PBX1: variants seen among roughly 807,000 people sequenced by gnomAD.
PBX1 encodes PBX homeobox 1.
PBX1 carries 6 observed loss-of-function variants against 53.4 expected under a neutral mutation model. The observed-to-expected ratio is 0.11, with a 90% CI of 0.06 to 0.22. The LOEUF (loss-of-function observed/expected upper bound fraction) is 0.22, where lower values mean the gene tolerates loss of function less well. PBX1 is among the 10% of genes least tolerant of loss of function. PBX1 has a pLI of 1.00. For missense variants in PBX1, 251 were observed against 551.4 expected (o/e 0.46, Z 5.46); for synonymous variants, 204 against 212.3 (o/e 0.96, Z 0.34).
In PBX1 at chr1:164,848,543, C is replaced by G; in HGVS notation, c.*1867C>G. On this transcript the variant is annotated 3_prime_UTR_variant, in exon 9 of 9. Coordinates refer to ENST00000420696, the MANE Select transcript of PBX1 (RefSeq NM_002585.4). ...TGTAACTTCTGGTTAATATCAGTACCTTGATGTCATCACCGTGATGACAAA... is the reference window on the plus strand; with the variant it reads ...TGTAACTTCTGGTTAATATCAGTACGTTGATGTCATCACCGTGATGACAAA... The G allele has an allele frequency of 9.4e-7, 1 of 1,059,834 alleles. No individual in the cohort carries two copies. The highest frequency in any genetic ancestry group is 1.1e-6 in the Non-Finnish European group (1 of 875,908). 65.7% of individuals were successfully genotyped at this position (1,059,834 alleles called of 1,614,324 possible).
At chr1:164,843,960 A>C (rs1053946515) in intron 8 of PBX1, among the ~76,000 whole-genome samples, 2 of 152,100 alleles carry the variant, frequency 1.3e-5, no homozygotes, top group African/African-American at 4.8e-5. Flanking sequence ...CATGGCTAAA[A>C]TGATAGAGTG....
At chr1:164,826,379 T>C (rs183093956) in intron 8 of PBX1, among the ~76,000 whole-genome samples, 2 of 152,292 alleles carry the variant, frequency 1.3e-5, no homozygotes, top group African/African-American at 4.8e-5. Context: ...CATTATTCTT[T>C]AGGGTAAACC....
At chr1:164,872,244 G>C (rs571414697) in intron 2 of PBX1, among the ~76,000 whole-genome samples, 47 of 152,344 alleles carry the variant, frequency 3.1e-4, no homozygotes, top group African/African-American at 1.1e-3. Flanking sequence ...GACCATTCCA[G>C]TGGTGGGGAG....
At chr1:164,582,662 A>C (rs1450889787) in intron 2 of PBX1, among the ~76,000 whole-genome samples, 1 of 152,014 alleles carries the variant, frequency 6.6e-6, no homozygotes, top group Non-Finnish European at 1.5e-5. Flanking sequence ...ACCTCAGGTG[A>C]TCTGCCTGCC....
intron 2 of PBX1, among the ~76,000 whole-genome samples, chr1:164,626,841 C>T (rs112765551): frequency 3.9e-5 from 6 of 152,182 alleles, no homozygotes; most frequent in African/African-American, 1.4e-4. Flanking sequence ...GGTTCCCCCT[C>T]TCTTTCTTCT....
intron 2 of PBX1, chr1:164,700,818 C>A: frequency 2.5e-6 from 2 of 793,086 alleles, no homozygotes; most frequent in Non-Finnish European, 3.1e-6. Flanking sequence ...TTGGTGGTGG[C>A]CAGCCCTGTA....
At chr1:164,811,330 G>T (rs1310579205) in intron 5 of PBX1, among the ~76,000 whole-genome samples, 1 of 152,174 alleles carries the variant, frequency 6.6e-6, no homozygotes, top group Non-Finnish European at 1.5e-5. Context: ...TAGGTTTATT[G>T]TGTCTGCTGG....
At chr1:164,740,689 G>A (rs1665557100) in intron 2 of PBX1, among the ~76,000 whole-genome samples, 1 of 152,158 alleles carries the variant, frequency 6.6e-6, no homozygotes, top group Non-Finnish European at 1.5e-5. Context: ...TATTGAATGT[G>A]CATCTATTAT....
chr1:164,863,156 C>T (rs1452008290), intron 2 of PBX1, among the ~76,000 whole-genome samples: 1 of 152,218 alleles, frequency 6.6e-6, no homozygotes, highest in Non-Finnish European at 1.5e-5. Flanking sequence ...TCTCTTCCTT[C>T]AGACACAACA....
chr1:164,580,997 A>G (rs1395104728), intron 2 of PBX1, among the ~76,000 whole-genome samples: 1 of 152,162 alleles, frequency 6.6e-6, no homozygotes, highest in Admixed American at 6.5e-5. Context: ...GAAGTCCAGC[A>G]TTTTGACAGA....
At chr1:164,704,772 C>T (rs1390254345) in intron 2 of PBX1, among the ~76,000 whole-genome samples, 1 of 152,152 alleles carries the variant, frequency 6.6e-6, no homozygotes, top group Non-Finnish European at 1.5e-5. Context: ...TGAAGGATGT[C>T]TCAGGTAGAT....
chr1:164,607,407 TA>T (rs796123154), intron 2 of PBX1, among the ~76,000 whole-genome samples: 4 of 152,276 alleles, frequency 2.6e-5, no homozygotes, highest in African/African-American at 9.6e-5. Flanking sequence ...GAGTTGATGT[TA>T]ATACCAAGGT....
intron 2 of PBX1, among the ~76,000 whole-genome samples, chr1:164,582,263 T>C (rs1209606603): frequency 6.6e-6 from 1 of 152,178 alleles, no homozygotes; most frequent in Non-Finnish European, 1.5e-5. Flanking sequence ...AAAGGTTGGC[T>C]ACAGATTTGA....
chr1:164,618,297 CGGG>C lies in PBX1; in HGVS notation c.265+54997_265+54999del, dbSNP rs141131624. Among the ~76,000 whole-genome samples, 12 of 18,106 alleles carry C rather than the reference CGGG, an allele frequency of 6.6e-4. 1 individual carries two copies. The highest frequency in any genetic ancestry group is 5.2e-3 in the East Asian group (1 of 192). The allele number at this position is 18,106 out of a possible 152,430, so 11.9% of individuals were successfully genotyped here. ...CTTACCCCAGGGAGAATAATCACGGCGGGGGGGGGGGGGCACTCAAGATGATCA... is the reference window on the plus strand; with the variant it reads ...CTTACCCCAGGGAGAATAATCACGGCGGGGGGGGGGCACTCAAGATGATCA... On this transcript the variant is annotated intron_variant, in intron 2 of 8. Transcript: ENST00000420696.
intron 8 of PBX1, among the ~76,000 whole-genome samples, chr1:164,839,512 G>T (rs969676696): frequency 1.3e-5 from 2 of 152,174 alleles, no homozygotes; most frequent in African/African-American, 2.4e-5. Context: ...AGACATGGGT[G>T]ATGTGTGCCT....
chr1:164,838,040 A>C (rs1671123758), intron 8 of PBX1, among the ~76,000 whole-genome samples: 1 of 152,204 alleles, frequency 6.6e-6, no homozygotes, highest in Admixed American at 6.5e-5. Context: ...TTGATGTATT[A>C]TACAAGCGCA....
intron 2 of PBX1, among the ~76,000 whole-genome samples, chr1:164,652,800 G>C (rs1051779313): frequency 2.6e-5 from 4 of 151,578 alleles, no homozygotes; most frequent in African/African-American, 4.9e-5. Context: ...ACCCTGGAAA[G>C]TTTCTTTCAG....
At chr1:164,741,400 G>A (rs377675946) in intron 2 of PBX1, among the ~76,000 whole-genome samples, 1 of 152,188 alleles carries the variant, frequency 6.6e-6, no homozygotes, top group African/African-American at 2.4e-5. Flanking sequence ...CTGTTAAGCA[G>A]CCTCCTCAAA....
intron 2 of PBX1, among the ~76,000 whole-genome samples, chr1:164,692,451 G>A (rs116595145): frequency 0.011 from 1,707 of 152,244 alleles, 20 homozygotes; most frequent in Non-Finnish European, 0.018. Flanking sequence ...GCAGGTTTTC[G>A]TGGAGGAAAT....
Sources: gnomAD v4.1 joint callset for allele counts (sites outside exome capture counted in the v4.1 genomes callset) on GRCh38, gnomAD v4.1.1 for gene constraint, MANE v1.5 for transcripts, NCBI Gene and HGNC (gene_info 2026-07-23, HGNC 2026-07-21) for gene names.